The following DNAAF5 variants were observed in gnomAD, a reference collection of about 807,000 sequenced individuals.
DNAAF5 encodes the protein dynein axonemal assembly factor 5, also known as HEAT repeat containing 2.
A neutral mutation model predicts 75.8 loss-of-function variants in DNAAF5; 64 were observed. That is an observed-to-expected ratio of 0.84 (90% confidence interval 0.69 to 1.04). The LOEUF is 1.04. Among genes scored for constraint, DNAAF5 ranks in the 50% least tolerant of loss-of-function variants. The pLI, the probability that DNAAF5 is intolerant of heterozygous loss-of-function variation, is 0.00. For missense variants in DNAAF5, 1,269 were observed against 1,178.5 expected (o/e 1.08, Z -1.12); for synonymous variants, 657 against 557.2 (o/e 1.18, Z -2.52).
In DNAAF5 at chr7:781,951, C is replaced by T. The variant is rs13307964; in HGVS notation, c.2431+1807C>T. 3.4e-3 allele frequency among the ~76,000 whole-genome samples: 519 copies of T among 152,368 alleles called. 31 individuals are homozygous for T. In the East Asian group the frequency reaches 0.094, roughly 28 times the overall value. Reference sequence around the variant, plus strand: ...ATCCCGTACCCGCGGGCTGTCCCTGCGGCTGTACTCTGCTCATTCTTCCCT... The same window carrying T: ...ATCCCGTACCCGCGGGCTGTCCCTGTGGCTGTACTCTGCTCATTCTTCCCT... On this transcript the variant is annotated intron_variant, in intron 12 of 12. Transcript: ENST00000297440.
At chr7:744,846 G>A (rs375522486) in intron 4 of DNAAF5, among the ~76,000 whole-genome samples, 3 of 152,182 alleles carry the variant, frequency 2.0e-5, no homozygotes, top group East Asian at 1.9e-4. Flanking sequence ...CAGGTGATCC[G>A]CCTGCCTCAG....
chr7:760,929 G>A (rs1403462597), intron 6 of DNAAF5, among the ~76,000 whole-genome samples: 2 of 152,182 alleles, frequency 1.3e-5, no homozygotes, highest in Non-Finnish European at 2.9e-5. Flanking sequence ...ACAGAAGAGG[G>A]GCAGGCAGCA....
At chr7:738,988 C>T (rs1781818478) in intron 2 of DNAAF5, among the ~76,000 whole-genome samples, 1 of 152,266 alleles carries the variant, frequency 6.6e-6, no homozygotes, top group Admixed American at 6.5e-5. Flanking sequence ...GCAGAGTGTG[C>T]TCAGGCCTTG....
chr7:775,945 AT>A (rs1296633946), intron 11 of DNAAF5, among the ~76,000 whole-genome samples: 2 of 152,188 alleles, frequency 1.3e-5, no homozygotes, highest in Non-Finnish European at 2.9e-5. Flanking sequence ...GCATTTGAGG[AT>A]TTTGGTATCC....
At chr7:746,547 C>T (rs1036752788) in intron 4 of DNAAF5, among the ~76,000 whole-genome samples, 1 of 148,424 alleles carries the variant, frequency 6.7e-6, no homozygotes, top group Non-Finnish European at 1.5e-5. Context: ...CATCCCTTTC[C>T]CCCGCCCGCC....
intron 8 of DNAAF5, among the ~76,000 whole-genome samples, chr7:766,775 A>T (rs769147708): frequency 5.3e-5 from 8 of 152,106 alleles, no homozygotes; most frequent in Admixed American, 2.6e-4. Context: ...GTACCACTGC[A>T]CTCCAGCCCG....
intron 6 of DNAAF5, 86 bp downstream of exon 6, chr7:757,080 T>C: frequency 7.6e-7 from 1 of 1,322,042 alleles, no homozygotes. Flanking sequence ...GTCTGTGGGT[T>C]GCCCTGTGCC....
Position 754,561 on chromosome 7 carries a change from T to G in DNAAF5, c.1025-28T>G. 1 of 1,587,946 alleles carries G rather than the reference T, an allele frequency of 6.3e-7. No individual in the cohort carries two copies. Among genetic ancestry groups the G allele is most frequent in the South Asian group, 1.1e-5 (1 of 90,356 alleles). On this transcript the variant is annotated intron_variant, in intron 4 of 12. Coordinates refer to ENST00000297440, the MANE Select transcript of DNAAF5 (RefSeq NM_017802.4). This position sits in a 1 kb window ranked among gnomAD's most constrained non-coding sequence, Gnocchi z 4.8. ...TGTTGAGGTTTTGCTTGTGAATTTCTCATTCTTCTTTCCCTTTTTCGTTCC... is the reference window on the plus strand; with the variant it reads ...TGTTGAGGTTTTGCTTGTGAATTTCGCATTCTTCTTTCCCTTTTTCGTTCC...
In DNAAF5 at chr7:786,366, T is replaced by C. The variant is rs1779145511; in HGVS notation, c.*713T>C. 6.6e-6 allele frequency: 1 copy of C among 152,256 alleles called. No individual in the cohort carries two copies. The highest frequency in any genetic ancestry group is 2.4e-5 in the African/African-American group (1 of 41,476). 9.4% of individuals were successfully genotyped at this position (152,256 alleles called of 1,614,324 possible). A position where few individuals can be genotyped will look rare whatever the true frequency, so the allele number is the denominator to read the frequency against. ...AAGATCTCATTGTAAGTGGGTAGTG[T>C]TACCGGAAGCCATTGTGTTCACACG... On this transcript the variant is annotated 3_prime_UTR_variant, in exon 13 of 13. Coordinates refer to ENST00000297440, the MANE Select transcript of DNAAF5 (RefSeq NM_017802.4).
chr7:776,207 G>A (rs149000642), intron 11 of DNAAF5, among the ~76,000 whole-genome samples: 6,073 of 152,014 alleles, frequency 0.04, 423 homozygotes, highest in African/African-American at 0.14. Context: ...ATGGTGGTGC[G>A]CGCCTGTAGT....
intron 8 of DNAAF5, among the ~76,000 whole-genome samples, chr7:765,886 G>T (rs899165327): frequency 2.6e-5 from 4 of 152,032 alleles, no homozygotes; most frequent in Non-Finnish European, 5.9e-5. Context: ...TCTAGAAATG[G>T]GGTCATATAT....
At chr7:755,971 C>G (rs914594933) in intron 5 of DNAAF5, among the ~76,000 whole-genome samples, 73 of 148,006 alleles carry the variant, frequency 4.9e-4, no homozygotes, top group Admixed American at 7.4e-4. Context: ...GTGTGTGATC[C>G]ACTGTGGAAT....
rs1781353710 is a variant in DNAAF5 at position 727,195 on chromosome 7, G to A, written c.475G>A (p.Ala159Thr). 2.2e-6 allele frequency: 3 copies of A among 1,346,392 alleles called. No homozygotes were observed. The highest frequency in any genetic ancestry group is 1.7e-5 in the South Asian group (1 of 59,838). The allele number at this position is 1,346,392 out of a possible 1,614,324, so 83.4% of individuals were successfully genotyped here. A position where few individuals can be genotyped will look rare whatever the true frequency, so the allele number is the denominator to read the frequency against. The change falls in exon 1 of 13, where the codon GCG (alanine) becomes ACG (threonine). Residue 159 changes from alanine (A) to threonine (T), a missense_variant. Ala to Thr is a moderately conservative substitution (Grantham distance 58, BLOSUM62 0). Transcript: ENST00000297440. ...CCTGGCCGTGGACCTGTGCGGCGCCGCGCTCGCGCCCCACCTGGACGACGC... is the reference window on the plus strand; with the variant it reads ...CCTGGCCGTGGACCTGTGCGGCGCCACGCTCGCGCCCCACCTGGACGACGC... ...LGLAVDLCGA[A>T]LAPHLDDALR... is the part of the protein sequence containing the mutation.
intron 4 of DNAAF5, among the ~76,000 whole-genome samples, chr7:752,875 A>T (rs77383829): frequency 5.3e-5 from 8 of 152,356 alleles, no homozygotes; most frequent in African/African-American, 1.9e-4. Flanking sequence ...CAGGAAAACA[A>T]TCCATTTTTT....
rs375502832 is a variant in DNAAF5 at position 770,551 on chromosome 7, C to T, written c.1864C>T (p.Arg622Cys). ...CLQPSQDPQM[R>C]LKLFSILSTV... is the part of the protein sequence containing the mutation. ...GCAGCCCTCCCAAGACCCGCAGATG[C>T]GCCTGAAGCTGTTCTCCATCCTGTC... The change falls in exon 9 of 13, where the codon CGC (arginine) becomes TGC (cysteine). Residue 622 changes from arginine to cysteine, a missense_variant. By Grantham distance (180) the Arg-to-Cys change is radical. Transcript: ENST00000297440. 8.7e-6 allele frequency: 14 copies of T among 1,613,908 alleles called. No homozygotes were observed. The highest frequency in any genetic ancestry group is 8.0e-5 in the African/African-American group (6 of 75,060).
intron 8 of DNAAF5, among the ~76,000 whole-genome samples, chr7:766,379 G>T (rs966052696): frequency 3.3e-5 from 5 of 151,958 alleles, no homozygotes; most frequent in African/African-American, 1.2e-4. Flanking sequence ...TTTAATAGGA[G>T]AAATTTTTAA....
chr7:739,775 G>A (rs936531055), intron 2 of DNAAF5, among the ~76,000 whole-genome samples: 6 of 152,118 alleles, frequency 3.9e-5, no homozygotes, highest in African/African-American at 1.2e-4. Context: ...GTCCCAGGCC[G>A]GCAGGGGCGG....
rs1345071965 is a variant in DNAAF5 at position 769,026 on chromosome 7, C to T, written c.1784-1445C>T. The T allele has an allele frequency of 4.6e-5, 29 of 627,256 alleles. 1 individual carries two copies. In the South Asian group the frequency reaches 5.0e-4, roughly 11 times the overall value. 38.9% of individuals were successfully genotyped at this position (627,256 alleles called of 1,614,324 possible). On this transcript the variant is annotated intron_variant, in intron 8 of 12. Coordinates refer to ENST00000297440, the MANE Select transcript of DNAAF5 (RefSeq NM_017802.4). ...CTGCCCGGCTGCGTGGGGAGGCCCT[C>T]CAAGACACCAGCTGGTCTCACCGCG...
chr7:738,833 G>C lies in DNAAF5; in HGVS notation c.781-1986G>C, dbSNP rs145589683. Among the ~76,000 whole-genome samples the C allele has an allele frequency of 1.6e-3, 250 of 152,322 alleles. 2 individuals carry two copies. The highest frequency in any genetic ancestry group is 1.4e-3 in the Admixed American group (21 of 15,298). On this transcript the variant is annotated intron_variant, in intron 2 of 12. Coordinates refer to ENST00000297440, the MANE Select transcript of DNAAF5 (RefSeq NM_017802.4). ...TTTGAAGCTCCTTTCTGCAAAAGAA[G>C]CCTATCTGTGGGTTCCGACAGACAG...
Sources: allele counts gnomAD v4.1 joint callset (sites outside exome capture counted in the v4.1 genomes callset), GRCh38; gene constraint gnomAD v4.1.1; non-coding constraint Gnocchi (gnomAD v3.1); transcripts MANE v1.5; gene names NCBI Gene and HGNC (gene_info 2026-07-23, HGNC 2026-07-21).